ABHD18: variants seen among roughly 807,000 people sequenced by gnomAD.
The protein encoded by ABHD18 is abhydrolase domain containing 18.
ABHD18 carries 55 observed loss-of-function variants against 65.9 expected under a neutral mutation model. The observed-to-expected ratio is 0.84, with a 90% CI of 0.67 to 1.05. The LOEUF (loss-of-function observed/expected upper bound fraction) is 1.05, where lower values mean the gene tolerates loss of function less well. Ranked by LOEUF, ABHD18 falls within the 50% of genes least tolerant of loss-of-function variation. ABHD18 has a pLI of 0.00. For synonymous variants in ABHD18, 181 were observed against 180.2 expected, an observed-to-expected ratio of 1.00 and a Z score of -0.04; for missense variants, 533 against 558.5, an observed-to-expected ratio of 0.95 and a Z score of 0.46.
intron 1 of ABHD18, among the ~76,000 whole-genome samples, chr4:127,977,865 TTAG>T (rs1251204099): frequency 1.3e-5 from 2 of 152,088 alleles, no homozygotes; most frequent in African/African-American, 4.8e-5. Context: ...AAATAATTTA[TTAG>T]TAGCAGAATT....
chr4:128,018,884 C>T (rs562192743), intron 8 of ABHD18, among the ~76,000 whole-genome samples: 23 of 151,732 alleles, frequency 1.5e-4, no homozygotes, highest in Admixed American at 9.2e-4. Flanking sequence ...TGTGGTGGCA[C>T]GTGCCTGTAA....
chr4:127,971,219 C>T (rs1263667292), intron 1 of ABHD18, among the ~76,000 whole-genome samples: 1 of 146,708 alleles, frequency 6.8e-6, no homozygotes, highest in Non-Finnish European at 1.5e-5. Flanking sequence ...GCCCCACTCG[C>T]ACTCAAGCCT....
Position 127,990,822 on chromosome 4 carries a change from A to T in ABHD18, c.278+1001A>T, listed in dbSNP as rs185236790. ...CAATAGTTGAAAACTGGCTTTTTGG[A>T]TCTTTGTTAATGTACAGAGGTTATT... On this transcript the variant is annotated intron_variant, in intron 4 of 12. Transcript: ENST00000645843. Among the ~76,000 whole-genome samples, 9 of 152,156 alleles carry T rather than the reference A, an allele frequency of 5.9e-5. No homozygotes were observed. In the East Asian group the frequency reaches 1.7e-3, roughly 29 times the overall value.
intron 6 of ABHD18, among the ~76,000 whole-genome samples, chr4:128,011,026 A>C (rs1271392890): frequency 6.6e-6 from 1 of 152,178 alleles, no homozygotes; most frequent in East Asian, 1.9e-4. Context: ...TTCTATAATA[A>C]AAATTTTATG....
rs1221282630 is a variant in ABHD18 at position 127,965,484 on chromosome 4, T to A, written c.-140T>A. ...CCGCTGTATCTAGCATTTCGGTTCC[T>A]GGAAAGGTTACCGGAGCTGCGATTG... On this transcript the variant is annotated 5_prime_UTR_variant, in exon 1 of 13. Coordinates refer to ENST00000645843, the MANE Select transcript of ABHD18 (RefSeq NM_001358451.3). 2.4e-6 allele frequency: 1 copy of A among 412,272 alleles called. No homozygotes were observed. Among genetic ancestry groups the A allele is most frequent in the Non-Finnish European group, 4.5e-6 (1 of 220,356 alleles). The allele number at this position is 412,272 out of a possible 1,614,324, so 25.5% of individuals were successfully genotyped here. A position where few individuals can be genotyped will look rare whatever the true frequency, so the allele number is the denominator to read the frequency against.
intron 12 of ABHD18, among the ~76,000 whole-genome samples, chr4:128,032,504 G>A (rs917804372): frequency 1.3e-5 from 2 of 152,188 alleles, no homozygotes; most frequent in Admixed American, 6.5e-5. Context: ...GGCCAATATG[G>A]TAAAACCCCG....
chr4:128,029,936 A>G (rs1231712414), intron 11 of ABHD18, among the ~76,000 whole-genome samples: 4 of 152,148 alleles, frequency 2.6e-5, no homozygotes, highest in African/African-American at 9.7e-5. Context: ...GCACTGAGCT[A>G]TGATTGCACC....
intron 3 of ABHD18, among the ~76,000 whole-genome samples, chr4:127,988,444 C>T (rs1750363260): frequency 6.6e-6 from 1 of 152,138 alleles, no homozygotes; most frequent in Admixed American, 6.6e-5. Context: ...GTTGCTCAGG[C>T]TGATCTTGAA....
Position 128,030,640 on chromosome 4 carries a change from T to TA in ABHD18, c.1312dup (p.Ser438LysfsTer6). ...TCCGATACTTAGAAGGGGGTCATATTAGTGCTTATCTTTTTAAACAAGGAC... is the reference window on the plus strand; with the variant it reads ...TCCGATACTTAGAAGGGGGTCATATTAAGTGCTTATCTTTTTAAACAAGGAC... On this transcript the variant is annotated frameshift_variant, in exon 12 of 13. Transcript: ENST00000645843. LOFTEE classifies it high-confidence loss of function. The TA allele has an allele frequency of 6.2e-7, 1 of 1,601,606 alleles. No homozygotes were observed. Among genetic ancestry groups the TA allele is most frequent in the Non-Finnish European group, 8.5e-7 (1 of 1,177,726 alleles).
At chr4:128,010,268 G>A (rs1409988292) in intron 6 of ABHD18, among the ~76,000 whole-genome samples, 5 of 152,124 alleles carry the variant, frequency 3.3e-5, no homozygotes, top group African/African-American at 4.8e-5. Flanking sequence ...AGTGGCTCAC[G>A]CCTGTAATCC....
intron 1 of ABHD18, among the ~76,000 whole-genome samples, chr4:127,968,780 C>T (rs1451507716): frequency 6.6e-6 from 1 of 152,108 alleles, no homozygotes; most frequent in Non-Finnish European, 1.5e-5. Flanking sequence ...TCTGTCCAGC[C>T]TGAAGTGGGG....
intron 1 of ABHD18, among the ~76,000 whole-genome samples, chr4:127,976,133 GT>G (rs200523990): frequency 0.013 from 2,023 of 152,180 alleles, 32 homozygotes; most frequent in Admixed American, 0.047. Flanking sequence ...TTTTAATCTA[GT>G]GATTTATAGT....
In ABHD18 at chr4:128,011,614, C is replaced by G; in HGVS notation, c.443-59C>G. 2.2e-6 allele frequency: 3 copies of G among 1,368,446 alleles called. 1 individual carries two copies. In the South Asian group the frequency reaches 3.9e-5, roughly 18 times the overall value. The allele number at this position is 1,368,446 out of a possible 1,614,324, so 84.8% of individuals were successfully genotyped here. ...GTAAAATTTAACTATTTAATGTACT[C>G]TCAGACAAACAAAATTATTTAATTA... On this transcript the variant is annotated intron_variant, in intron 6 of 12. Coordinates refer to ENST00000645843, the MANE Select transcript of ABHD18 (RefSeq NM_001358451.3).
intron 4 of ABHD18, among the ~76,000 whole-genome samples, chr4:128,002,971 C>T (rs549087743): frequency 6.6e-6 from 1 of 152,196 alleles, no homozygotes; most frequent in South Asian, 2.1e-4. Flanking sequence ...CCTTTTAACT[C>T]TTCTCTTATA....
chr4:128,027,646 C>T (rs1029473418), intron 10 of ABHD18, among the ~76,000 whole-genome samples: 3 of 152,056 alleles, frequency 2.0e-5, no homozygotes, highest in Non-Finnish European at 2.9e-5. Flanking sequence ...CCTCGTGATC[C>T]GCCTGCTTCA....
At position 127,979,260 on chromosome 4, in the gene ABHD18, A is replaced by T. The variant is rs148916532; in HGVS notation, c.-17-3679A>T. ...TAGTAGTTACTCTCTTCCAAGTTTA[A>T]AAAACACCAAAAAGGCTGGGCGCGG... On this transcript the variant is annotated intron_variant, in intron 1 of 12. Coordinates refer to ENST00000645843, the MANE Select transcript of ABHD18 (RefSeq NM_001358451.3). Among the ~76,000 whole-genome samples the T allele has an allele frequency of 8.7e-3, 1,327 of 152,306 alleles. 23 individuals are homozygous for T. The highest frequency in any genetic ancestry group is 0.03 in the African/African-American group (1,243 of 41,570).
In ABHD18 at chr4:128,009,113, T is replaced by C; in HGVS notation, c.364T>C (p.Trp122Arg). ...TGTTCTTTTCTTTCCTTAGCATTACTGGAGGCGACGAACACTAATGGCCCG... is the reference window on the plus strand; with the variant it reads ...TGTTCTTTTCTTTCCTTAGCATTACCGGAGGCGACGAACACTAATGGCCCG... Reference protein sequence around the residue: ...HLAGTGDHHYWRRRTLMARPM... With the variant: ...HLAGTGDHHYRRRRTLMARPM... The change falls in exon 6 of 13, where the codon TGG becomes CGG. Residue 122 changes from tryptophan (W) to arginine (R), a missense_variant. Trp to Arg is a moderately radical substitution (Grantham distance 101). Transcript: ENST00000645843. 6.4e-7 allele frequency: 1 copy of C among 1,574,576 alleles called. No homozygotes were observed. Among genetic ancestry groups the C allele is most frequent in the Non-Finnish European group, 8.6e-7 (1 of 1,168,662 alleles).
At chr4:127,984,055 A>G (rs971104792) in intron 2 of ABHD18, among the ~76,000 whole-genome samples, 5 of 151,880 alleles carry the variant, frequency 3.3e-5, no homozygotes, top group Admixed American at 1.3e-4. Flanking sequence ...AAAAAAAAAA[A>G]AGAAAGAAAA....
chr4:128,007,121 G>A (rs148796744), intron 4 of ABHD18, among the ~76,000 whole-genome samples: 13 of 151,812 alleles, frequency 8.6e-5, no homozygotes, highest in African/African-American at 2.9e-4. Context: ...CTCCAGCCTG[G>A]GCAACAAGAG....
Sources: allele counts gnomAD v4.1 joint callset (sites outside exome capture counted in the v4.1 genomes callset), GRCh38; gene constraint gnomAD v4.1.1; transcripts MANE v1.5; gene names NCBI Gene and HGNC (gene_info 2026-07-23, HGNC 2026-07-21).